Variants in NEBL observed in about 807,000 individuals in gnomAD.
The protein encoded by NEBL is nebulette.
Under a neutral mutation model 140.2 loss-of-function variants are expected in NEBL, and 122 were observed. The ratio of observed to expected loss-of-function variants is 0.87; its 90% CI spans 0.75 to 1.01. The LOEUF (loss-of-function observed/expected upper bound fraction) is 1.01, where lower values mean the gene tolerates loss of function less well. NEBL is among the 50% of genes least tolerant of loss of function. The probability of loss-of-function intolerance (pLI) is 0.00; values close to 1 mark genes in which losing one functional copy is unlikely to be tolerated. For synonymous variants in NEBL, 436 were observed against 398.9 expected (o/e 1.09, Z -1.11); for missense variants, 1,365 against 1,231.3 (o/e 1.11, Z -1.62).
At chr10:21,149,138 C>G (rs1840035294) in intron 2 of NEBL, among the ~76,000 whole-genome samples, 1 of 152,206 alleles carries the variant, frequency 6.6e-6, no homozygotes, top group Admixed American at 6.5e-5. Flanking sequence ...TCACACCTAT[C>G]CGGTGAAGCG....
chr10:21,099,150 T>A (rs772356040), intron 2 of NEBL, among the ~76,000 whole-genome samples: 70 of 152,046 alleles, frequency 4.6e-4, no homozygotes, highest in African/African-American at 1.6e-3. Context: ...AAAAATAAAA[T>A]CAAAACAGAG....
At chr10:21,197,224 C>A (rs1034994794) in intron 3 of NEBL, among the ~76,000 whole-genome samples, 1 of 152,222 alleles carries the variant, frequency 6.6e-6, no homozygotes, top group Non-Finnish European at 1.5e-5. Flanking sequence ...TTTAAACATA[C>A]AGATGCCCAG....
At chr10:21,040,704 T>G (rs997660303) in intron 2 of NEBL, among the ~76,000 whole-genome samples, 1 of 152,026 alleles carries the variant, frequency 6.6e-6, no homozygotes, top group African/African-American at 2.4e-5. Flanking sequence ...TGGATTTGTG[T>G]CCCCACCCAA....
At chr10:21,172,483 A>G (rs1244553044) in intron 1 of NEBL, 1 of 1,477,906 alleles carries the variant, frequency 6.8e-7, no homozygotes, top group Admixed American at 1.8e-5. Context: ...CAATACTGGA[A>G]AAAAAAAAAA....
chr10:20,792,132 AAAAAAG>A (rs978726235), intron 26 of NEBL, among the ~76,000 whole-genome samples: 8 of 151,798 alleles, frequency 5.3e-5, no homozygotes, highest in African/African-American at 1.9e-4. Flanking sequence ...AGAAAAAAAA[AAAAAAG>A]AAAGAAAGAA....
At chr10:20,921,220 A>C (rs1257981290) in intron 4 of NEBL, among the ~76,000 whole-genome samples, 2 of 152,208 alleles carry the variant, frequency 1.3e-5, no homozygotes, top group African/African-American at 4.8e-5. Context: ...TTCAGCTCTA[A>C]GGTGAAATTG....
rs1464916750 is a variant in NEBL at position 20,783,452 on chromosome 10, TAGG to T, written c.*2292_*2294del. 1 of 152,236 alleles carries T rather than the reference TAGG, an allele frequency of 6.6e-6. No homozygotes were observed. The highest frequency in any genetic ancestry group is 2.4e-5 in the African/African-American group (1 of 41,474). The allele number at this position is 152,236 out of a possible 1,614,324, so 9.4% of individuals were successfully genotyped here. A position where few individuals can be genotyped will look rare whatever the true frequency, so the allele number is the denominator to read the frequency against. The stretch of plus-strand genomic sequence containing the variant: ...CATTATTACGTGAAGCTTAAAATTT[TAGG>T]AGACTTATTCCTCAAATATGTATTG... On this transcript the variant is annotated 3_prime_UTR_variant, in exon 28 of 28. Coordinates refer to ENST00000377122, the MANE Select transcript of NEBL (RefSeq NM_006393.3).
At position 21,050,947 on chromosome 10, in the gene NEBL, T is replaced by G. The variant is rs541857232; in HGVS notation, c.165-30746A>C. Reference sequence around the variant, plus strand: ...CACCCTGTTTCACTGACTTTCATCCTTTTGCCTATTGACTTTGCACCTAGA... The same window carrying G: ...CACCCTGTTTCACTGACTTTCATCCGTTTGCCTATTGACTTTGCACCTAGA... On this transcript the variant is annotated intron_variant, in intron 2 of 6. Transcript: ENST00000417816. 2.0e-5 allele frequency among the ~76,000 whole-genome samples: 3 copies of G among 152,328 alleles called. No individual in the cohort carries two copies. The South Asian group carries it at 6.2e-4, about 32-fold the overall frequency.
intron 7 of NEBL, among the ~76,000 whole-genome samples, chr10:20,860,580 A>AAAAAAAAC: frequency 6.7e-6 from 1 of 150,152 alleles, no homozygotes; most frequent in Admixed American, 6.6e-5. Context: ...AAAAAAAAAA[A>AAAAAAAAC]AAAAAAACCT....
chr10:20,875,574 TG>T (rs1845417853), intron 5 of NEBL, among the ~76,000 whole-genome samples: 1 of 152,176 alleles, frequency 6.6e-6, no homozygotes, highest in Non-Finnish European at 1.5e-5. Flanking sequence ...AACAGTGATT[TG>T]AGACTCTCTG....
chr10:21,138,153 C>T (rs774973251), intron 2 of NEBL, among the ~76,000 whole-genome samples: 12 of 152,088 alleles, frequency 7.9e-5, no homozygotes, highest in Non-Finnish European at 1.3e-4. Flanking sequence ...CTTCCGAAAA[C>T]AGTAGAAACC....
At chr10:21,041,983 G>T (rs1834288208) in intron 2 of NEBL, among the ~76,000 whole-genome samples, 1 of 152,166 alleles carries the variant, frequency 6.6e-6, no homozygotes, top group East Asian at 1.9e-4. Flanking sequence ...AGGTCACTTT[G>T]ATTGCCATCT....
At chr10:21,256,300 T>C (rs1392694443) in intron 1 of NEBL, among the ~76,000 whole-genome samples, 1 of 151,970 alleles carries the variant, frequency 6.6e-6, no homozygotes, top group African/African-American at 2.4e-5. Flanking sequence ...ACTCCTGACC[T>C]CAAGTAGTCC....
At chr10:20,948,008 T>C (rs11012410) in intron 4 of NEBL, among the ~76,000 whole-genome samples, 2,655 of 152,318 alleles carry the variant, frequency 0.017, 191 homozygotes, top group East Asian at 0.15. Flanking sequence ...AATCTCATAA[T>C]GTTTTAAGAA....
chr10:20,870,125 G>A (rs895002237), intron 5 of NEBL, among the ~76,000 whole-genome samples: 3 of 151,722 alleles, frequency 2.0e-5, no homozygotes, highest in Admixed American at 6.6e-5. Context: ...TCAGGAGTTC[G>A]AGACCAGCCT....
intron 3 of NEBL, among the ~76,000 whole-genome samples, chr10:21,182,929 C>T (rs1419756988): frequency 1.3e-5 from 2 of 152,176 alleles, no homozygotes; most frequent in East Asian, 1.9e-4. Context: ...TAGCGCCTCT[C>T]AAATTGGACT....
At chr10:21,050,131 A>C (rs1376015203) in intron 2 of NEBL, among the ~76,000 whole-genome samples, 1 of 152,216 alleles carries the variant, frequency 6.6e-6, no homozygotes, top group Non-Finnish European at 1.5e-5. Context: ...CTCATAACAG[A>C]GCATACCATT....
chr10:21,183,972 C>G (rs191938718), intron 3 of NEBL, among the ~76,000 whole-genome samples: 10 of 152,254 alleles, frequency 6.6e-5, no homozygotes, highest in Admixed American at 3.9e-4. Context: ...GTGAGACCTG[C>G]CTTTCACCTT....
intron 4 of NEBL, among the ~76,000 whole-genome samples, chr10:20,937,898 G>A (rs1383911219): frequency 1.3e-5 from 2 of 152,286 alleles, no homozygotes; most frequent in Non-Finnish European, 2.9e-5. Flanking sequence ...GAGGAGGGGC[G>A]CCCGCCATTG....
Sources: allele counts gnomAD v4.1 joint callset (sites outside exome capture counted in the v4.1 genomes callset), GRCh38; gene constraint gnomAD v4.1.1; transcripts MANE v1.5; gene names NCBI Gene and HGNC (gene_info 2026-07-23, HGNC 2026-07-21).